Variants in SOAT1 observed in about 807,000 individuals in gnomAD.
The protein encoded by SOAT1 is sterol O-acyltransferase 1.
Under a neutral mutation model 69.5 loss-of-function variants are expected in SOAT1, and 55 were observed. The ratio of observed to expected loss-of-function variants is 0.79; its 90% CI spans 0.64 to 0.99. The LOEUF (loss-of-function observed/expected upper bound fraction) is 0.99, where lower values mean the gene tolerates loss of function less well. Among genes scored for constraint, SOAT1 ranks in the 50% least tolerant of loss-of-function variants. SOAT1 has a pLI of 0.00. For synonymous variants in SOAT1, 231 were observed against 224.7 expected (o/e 1.03, Z -0.25); for missense variants, 580 against 669.3 (o/e 0.87, Z 1.47).
intron 2 of SOAT1, among the ~76,000 whole-genome samples, chr1:179,317,389 C>T (rs1244224165): frequency 2.6e-5 from 4 of 151,954 alleles, no homozygotes; most frequent in South Asian, 2.1e-4. Flanking sequence ...AAAAATTAGC[C>T]GGGCGTGGTG....
chr1:179,354,255 G>T lies in SOAT1; in HGVS notation c.*614G>T, dbSNP rs1351271387. ...AGTTTTTACCTTGTTTTCTCTATAG[G>T]TCATGATTTCTGTGAAGCAAAAAGA... is the stretch of plus-strand genomic sequence containing the variant. On this transcript the variant is annotated 3_prime_UTR_variant, in exon 16 of 16. Transcript: ENST00000367619. 2 of 152,374 alleles carry T rather than the reference G, an allele frequency of 1.3e-5. No individual in the cohort carries two copies. The allele number at this position is 152,374 out of a possible 1,614,324, so 9.4% of individuals were successfully genotyped here.
chr1:179,313,882 C>T (rs1391644959), intron 2 of SOAT1, among the ~76,000 whole-genome samples: 3 of 152,152 alleles, frequency 2.0e-5, no homozygotes, highest in Admixed American at 6.6e-5. Context: ...CCGTGCCTGG[C>T]CACACATTGT....
At chr1:179,332,657 AAAGAT>A (rs1397972181) in intron 3 of SOAT1, among the ~76,000 whole-genome samples, 4 of 152,166 alleles carry the variant, frequency 2.6e-5, no homozygotes, top group Non-Finnish European at 5.9e-5. Context: ...ACGAGATTGA[AAAGAT>A]AAGCAAATTA....
In SOAT1 at chr1:179,341,349, G is replaced by A. The variant is rs761036703; in HGVS notation, c.780+39G>A. 5.1e-6 allele frequency: 8 copies of A among 1,565,220 alleles called. No homozygotes were observed. The Admixed American group carries it at 5.4e-5, about 11-fold the overall frequency. ...TGTTACCCAAGGCGATGCTGTCCTC[G>A]GCTAAAATAATAATAATGATGATGA... is the stretch of plus-strand genomic sequence containing the variant. On this transcript the variant is annotated intron_variant, in intron 7 of 15. Coordinates refer to ENST00000367619, the MANE Select transcript of SOAT1 (RefSeq NM_003101.6).
Position 179,356,490 on chromosome 1 carries a change from T to TTA in SOAT1, c.*2849_*2850insTA, listed in dbSNP as rs1450119915. 1.6e-5 allele frequency: 2 copies of TTA among 126,466 alleles called. No individual in the cohort carries two copies. The highest frequency in any genetic ancestry group is 5.8e-5 in the African/African-American group (2 of 34,624). 7.8% of individuals were successfully genotyped at this position (126,466 alleles called of 1,614,324 possible). The stretch of plus-strand genomic sequence containing the variant: ...CTTTTTTTTTTTTTTTTTTTTTTTT[T>TTA]AAGACAGAGTCTTGTTCTGTCGCCC... On this transcript the variant is annotated 3_prime_UTR_variant, in exon 16 of 16. Transcript: ENST00000367619.
intron 2 of SOAT1, among the ~76,000 whole-genome samples, chr1:179,303,091 G>T (rs1010873295): frequency 4.6e-5 from 7 of 152,082 alleles, no homozygotes; most frequent in Admixed American, 2.6e-4. Context: ...TGATCAGTAC[G>T]GATTTGTTTG....
At chr1:179,337,592 T>C (rs1178003617) in intron 4 of SOAT1, among the ~76,000 whole-genome samples, 1 of 152,172 alleles carries the variant, frequency 6.6e-6, no homozygotes, top group Non-Finnish European at 1.5e-5. Context: ...CTTTCCCTTC[T>C]TAAGAGTTGT....
intron 3 of SOAT1, among the ~76,000 whole-genome samples, chr1:179,334,137 C>T (rs1235265846): frequency 6.6e-6 from 1 of 152,200 alleles, no homozygotes; most frequent in Non-Finnish European, 1.5e-5. Context: ...TTATTGAGAA[C>T]TGTAGACAGA....
intron 4 of SOAT1, among the ~76,000 whole-genome samples, chr1:179,336,571 C>A (rs1468302492): frequency 6.6e-6 from 1 of 151,998 alleles, no homozygotes; most frequent in Non-Finnish European, 1.5e-5. Flanking sequence ...AAACAGTGAT[C>A]CTATGAGACA....
chr1:179,327,140 G>A (rs1665822883), intron 3 of SOAT1, among the ~76,000 whole-genome samples: 1 of 152,078 alleles, frequency 6.6e-6, no homozygotes, highest in African/African-American at 2.4e-5. Context: ...TTTTTTAGTT[G>A]TTGCTTAGCC....
At chr1:179,301,904 T>G (rs1664842344) in intron 1 of SOAT1, among the ~76,000 whole-genome samples, 1 of 152,164 alleles carries the variant, frequency 6.6e-6, no homozygotes, top group African/African-American at 2.4e-5. Flanking sequence ...CTGTGAAACC[T>G]TTACATCTTC....
At chr1:179,351,021 CTT>C (rs201449849) in intron 14 of SOAT1, among the ~76,000 whole-genome samples, 15 of 127,556 alleles carry the variant, frequency 1.2e-4, no homozygotes, top group East Asian at 2.1e-4. Flanking sequence ...ATATTTCTTT[CTT>C]TTTTTTTTTT....
At chr1:179,306,823 T>C (rs1571407389) in intron 2 of SOAT1, among the ~76,000 whole-genome samples, 1 of 79,986 alleles carries the variant, frequency 1.3e-5, no homozygotes. Flanking sequence ...AGTGTGAGAC[T>C]CCATCTCAAA....
At position 179,348,091 on chromosome 1, in the gene SOAT1, A is replaced by G. The variant is rs77740473; in HGVS notation, c.1215+394A>G. Among the ~76,000 whole-genome samples, 244 of 152,336 alleles carry G rather than the reference A, an allele frequency of 1.6e-3. 4 individuals are homozygous for G. The East Asian group carries it at 0.029, about 18-fold the overall frequency. ...TCCATTTAAGACAATTGAGCAGTTC[A>G]TGAGGGAAATAACTTTTCCCTCTTT... On this transcript the variant is annotated intron_variant, in intron 12 of 15. Transcript: ENST00000367619.
intron 14 of SOAT1, 124 bp downstream of exon 14, chr1:179,350,555 T>G: frequency 1.2e-6 from 1 of 824,262 alleles, no homozygotes; most frequent in Admixed American, 2.8e-5. Context: ...AGGTAGTACT[T>G]CTTTATCAGA....
rs1251895812 is a variant in SOAT1 at position 179,353,763 on chromosome 1, T to C, written c.*122T>C. ...TTTGGACCACTCCAGGCTTTACAGA[T>C]GACTCACTCCATTCCTAGGTCACTT... On this transcript the variant is annotated 3_prime_UTR_variant, in exon 16 of 16. Transcript: ENST00000367619. 7.3e-6 allele frequency: 6 copies of C among 818,452 alleles called. No homozygotes were observed. The highest frequency in any genetic ancestry group is 1.2e-5 in the Non-Finnish European group (6 of 493,466). The allele number at this position is 818,452 out of a possible 1,614,324, so 50.7% of individuals were successfully genotyped here.
chr1:179,326,550 CTTTTTTTTTTTTTTT>C (rs10568516), intron 3 of SOAT1, among the ~76,000 whole-genome samples: 24 of 106,284 alleles, frequency 2.3e-4, no homozygotes, highest in Admixed American at 3.4e-4. Flanking sequence ...AATTTCTTTT[CTTTTTTTTTTTTTTT>C]TTTTTTTTTT....
chr1:179,340,437 T>A (rs1666293892), intron 6 of SOAT1, among the ~76,000 whole-genome samples: 1 of 152,162 alleles, frequency 6.6e-6, no homozygotes, highest in Admixed American at 6.6e-5. Flanking sequence ...GAGCTGTGTT[T>A]GTGCCACTGC....
rs1491311101 is a variant in SOAT1, at chr1:179,348,760, A to AAGTGTGTG, written c.1216-84_1216-83insAGTGTGTG. On this transcript the variant is annotated intron_variant, in intron 12 of 15. Transcript: ENST00000367619. ...TCAGGGGGGTTTGCTTTCGGGTGGG[A>AAGTGTGTG]TGTGTGTGTGTGTGTGTGTGTGTGT... 130 of 593,882 alleles carry AAGTGTGTG rather than the reference A, an allele frequency of 2.2e-4. 1 individual carries two copies. In the African/African-American group the frequency reaches 2.3e-3, roughly 11 times the overall value. The allele number at this position is 593,882 out of a possible 1,614,324, so 36.8% of individuals were successfully genotyped here.
Sources: gnomAD v4.1 joint callset for allele counts (sites outside exome capture counted in the v4.1 genomes callset) on GRCh38, gnomAD v4.1.1 for gene constraint, MANE v1.5 for transcripts, NCBI Gene and HGNC (gene_info 2026-07-23, HGNC 2026-07-21) for gene names.